CACNG2: variants seen among roughly 807,000 people sequenced by gnomAD.
The protein encoded by CACNG2 is voltage-dependent calcium channel gamma-2 subunit.
Under a neutral mutation model 25.9 loss-of-function variants are expected in CACNG2, and 3 were observed. The ratio of observed to expected loss-of-function variants is 0.12; its 90% CI spans 0.05 to 0.30. CACNG2 has a LOEUF of 0.30. CACNG2 is among the 10% of genes least tolerant of loss of function. CACNG2 has a pLI of 1.00. For synonymous variants in CACNG2, 167 were observed against 173.3 expected (o/e 0.96, Z 0.29); for missense variants, 341 against 432.5 (o/e 0.79, Z 1.88).
chr22:36,687,742 C>A (rs367831425), intron 1 of CACNG2, among the ~76,000 whole-genome samples: 1 of 152,060 alleles, frequency 6.6e-6, no homozygotes, highest in African/African-American at 2.4e-5. Context: ...CGTGGTAATC[C>A]CCAGGGCCCT....
chr22:36,681,164 T>C (rs1021336674), intron 1 of CACNG2, among the ~76,000 whole-genome samples: 2 of 152,214 alleles, frequency 1.3e-5, no homozygotes, highest in African/African-American at 4.8e-5. Context: ...TTGTTGGTTG[T>C]ATTTCCATGG....
intron 1 of CACNG2, among the ~76,000 whole-genome samples, chr22:36,669,717 C>G (rs188272778): frequency 6.6e-6 from 1 of 152,028 alleles, no homozygotes; most frequent in East Asian, 1.9e-4. Flanking sequence ...CTCTCTGTCT[C>G]TCTCTTTCTT....
intron 1 of CACNG2, among the ~76,000 whole-genome samples, chr22:36,639,510 G>C (rs1472653884): frequency 1.3e-5 from 2 of 152,138 alleles, no homozygotes; most frequent in South Asian, 4.2e-4. Flanking sequence ...TCTCCCTTCA[G>C]GGGCACACAG....
chr22:36,622,257 AGT>A (rs1313157918), intron 1 of CACNG2, among the ~76,000 whole-genome samples: 1 of 152,226 alleles, frequency 6.6e-6, no homozygotes, highest in Admixed American at 6.5e-5. Flanking sequence ...TGAAATCGGC[AGT>A]TCTCAATTAT....
At chr22:36,565,014 T>C (rs576658686) in intron 3 of CACNG2, 128 bp from the exon 4 acceptor site, 22 of 798,400 alleles carry the variant, frequency 2.8e-5, no homozygotes, top group African/African-American at 2.7e-4. Context: ...CGCGCCTTCA[T>C]GAACAGGTGG....
chr22:36,702,788 C>A lies in CACNG2; in HGVS notation c.-212G>T. Reference sequence around the variant, plus strand: ...AAGAGTGTAAATTATAAAGATCACACGGGAAGAGGCTTGCCTTTTGAGATC... The same window carrying A: ...AAGAGTGTAAATTATAAAGATCACAAGGGAAGAGGCTTGCCTTTTGAGATC... On this transcript the variant is annotated 5_prime_UTR_variant, in exon 1 of 4. Coordinates refer to ENST00000300105, the MANE Select transcript of CACNG2 (RefSeq NM_006078.5). 2.1e-6 allele frequency: 1 copy of A among 469,482 alleles called. No individual in the cohort carries two copies. Among genetic ancestry groups the A allele is most frequent in the Non-Finnish European group, 3.7e-6 (1 of 268,014 alleles). 29.1% of individuals were successfully genotyped at this position (469,482 alleles called of 1,614,324 possible).
intron 1 of CACNG2, among the ~76,000 whole-genome samples, chr22:36,637,520 C>T (rs112824995): frequency 2.0e-5 from 3 of 152,064 alleles, no homozygotes; most frequent in Non-Finnish European, 4.4e-5. Context: ...GTCGGGCTCT[C>T]GGTATCTGGA....
chr22:36,561,446 T>A lies in CACNG2; in HGVS notation c.*2905A>T, dbSNP rs1347077314. ...CCACACCTTGAATTGTCTCCCATTG[T>A]TCTGCCCCAGGGCCCATGACCTCCC... On this transcript the variant is annotated 3_prime_UTR_variant, in exon 4 of 4. Coordinates refer to ENST00000300105, the MANE Select transcript of CACNG2 (RefSeq NM_006078.5). 1.3e-5 allele frequency: 2 copies of A among 152,370 alleles called. No individual in the cohort carries two copies. Among genetic ancestry groups the A allele is most frequent in the South Asian group, 4.1e-4 (2 of 4,834 alleles). 9.4% of individuals were successfully genotyped at this position (152,370 alleles called of 1,614,324 possible). A position where few individuals can be genotyped will look rare whatever the true frequency, so the allele number is the denominator to read the frequency against.
At chr22:36,584,206 C>T (rs1935464051) in intron 2 of CACNG2, among the ~76,000 whole-genome samples, 1 of 152,300 alleles carries the variant, frequency 6.6e-6, no homozygotes, top group Middle Eastern at 3.4e-3. Context: ...AATCCCAGCA[C>T]TTTGGCAGGC....
At chr22:36,611,556 G>C (rs1366254514) in intron 1 of CACNG2, among the ~76,000 whole-genome samples, 1 of 152,166 alleles carries the variant, frequency 6.6e-6, no homozygotes, top group Non-Finnish European at 1.5e-5. Flanking sequence ...GGCAGGTACT[G>C]ATATAGCTAC....
intron 1 of CACNG2, among the ~76,000 whole-genome samples, chr22:36,667,568 G>A (rs1936891703): frequency 6.6e-6 from 1 of 152,184 alleles, no homozygotes; most frequent in South Asian, 2.1e-4. Context: ...GGGGACTTAT[G>A]ACCTGTTATT....
intron 1 of CACNG2, among the ~76,000 whole-genome samples, chr22:36,666,683 T>C (rs1218178660): frequency 1.3e-5 from 2 of 152,066 alleles, no homozygotes; most frequent in African/African-American, 4.8e-5. Context: ...CTATGTTATG[T>C]GTATTTTACC....
intron 1 of CACNG2, among the ~76,000 whole-genome samples, chr22:36,668,879 C>G (rs1936910060): frequency 6.6e-6 from 1 of 152,104 alleles, no homozygotes; most frequent in African/African-American, 2.4e-5. Context: ...AGATGGATGT[C>G]CCAGCTCAAA....
intron 1 of CACNG2, among the ~76,000 whole-genome samples, chr22:36,619,466 T>C (rs1014351510): frequency 3.3e-5 from 5 of 152,242 alleles, no homozygotes; most frequent in African/African-American, 1.2e-4. Flanking sequence ...GGTGATGTTT[T>C]GCCGAAGTGT....
intron 1 of CACNG2, among the ~76,000 whole-genome samples, chr22:36,650,529 A>C (rs552709293): frequency 6.6e-6 from 1 of 151,964 alleles, no homozygotes; most frequent in Non-Finnish European, 1.5e-5. Context: ...ATGTGCCACC[A>C]CACCCAGCTA....
chr22:36,676,942 G>T (rs1937027810), intron 1 of CACNG2, among the ~76,000 whole-genome samples: 1 of 149,020 alleles, frequency 6.7e-6, no homozygotes, highest in African/African-American at 2.4e-5. Flanking sequence ...TTGTGTGTGT[G>T]TGTGTGTGTG....
At chr22:36,629,506 TTGTG>T (rs150636418) in intron 1 of CACNG2, among the ~76,000 whole-genome samples, 5 of 148,502 alleles carry the variant, frequency 3.4e-5, no homozygotes, top group African/African-American at 7.4e-5. Context: ...GTGTGTGTGT[TTGTG>T]TGTGTGTGTG....
rs1031321304 is a variant in CACNG2 at position 36,606,292 on chromosome 22, C to T, written c.212-18744G>A. Among the ~76,000 whole-genome samples the T allele has an allele frequency of 3.3e-5, 5 of 152,182 alleles. No individual in the cohort carries two copies. The highest frequency in any genetic ancestry group is 1.3e-4 in the Admixed American group (2 of 15,282). On this transcript the variant is annotated intron_variant, in intron 1 of 3. Transcript: ENST00000300105. The surrounding 1 kb of genome is among the most constrained non-coding windows in gnomAD (Gnocchi z 5.7). Reference sequence around the variant, plus strand: ...GGCAGCGAGGGCGTTGGCTGGTCGCCGGGAACAAGCTGCCATGAGCCAGGC... The same window carrying T: ...GGCAGCGAGGGCGTTGGCTGGTCGCTGGGAACAAGCTGCCATGAGCCAGGC...
chr22:36,700,866 G>A (rs895281178), intron 1 of CACNG2, among the ~76,000 whole-genome samples: 2 of 152,254 alleles, frequency 1.3e-5, no homozygotes, highest in Non-Finnish European at 2.9e-5. Context: ...ATAGACCATC[G>A]CTCAATGAAG....
Sources: gnomAD v4.1 joint callset for allele counts (sites outside exome capture counted in the v4.1 genomes callset) on GRCh38, gnomAD v4.1.1 for gene constraint, Gnocchi (gnomAD v3.1) non-coding constraint, MANE v1.5 for transcripts, NCBI Gene and HGNC (gene_info 2026-07-23, HGNC 2026-07-21) for gene names.